DST: variants seen among roughly 807,000 people sequenced by gnomAD.
The protein encoded by DST is dystonin.
DST carries 253 observed loss-of-function variants against 875.2 expected under a neutral mutation model. The observed-to-expected ratio is 0.29, with a 90% CI of 0.26 to 0.32. The LOEUF (loss-of-function observed/expected upper bound fraction) is 0.32, where lower values mean the gene tolerates loss of function less well. DST is among the 10% of genes least tolerant of loss of function. The probability of loss-of-function intolerance (pLI) is 1.00; values close to 1 mark genes in which losing one functional copy is unlikely to be tolerated. For missense variants in DST, 8,287 were observed against 9,111.6 expected, an observed-to-expected ratio of 0.91 and a Z score of 3.68; for synonymous variants, 3,124 against 3,197.1, an observed-to-expected ratio of 0.98 and a Z score of 0.77.
intron 88 of DST, chr6:56,483,556 T>TTC (rs2095470364): frequency 7.6e-6 from 1 of 131,504 alleles, no homozygotes; most frequent in East Asian, 2.0e-4. Flanking sequence ...TTTTTTTTTT[T>TTC]TCCTGCCTAA....
chr6:56,594,179 C>A lies in DST; in HGVS notation c.12210G>T (p.Lys4070Asn), dbSNP rs778224745. ...TCACTGCTTGGTGCTGAGAGATGAT[C>A]TTCTCGTGTTGGGCCTATGTGAAAA... ...QYQKVKAQHEKIISQHQAVII... is the reference protein window; with the variant it reads ...QYQKVKAQHENIISQHQAVII... The change falls in exon 48 of 104, where the codon AAG becomes AAT. Residue 4070 changes from lysine to asparagine, a missense_variant. Lys to Asn is a moderately conservative substitution (Grantham distance 94). Around this residue, in one of 10 missense-constraint regions of DST, gnomAD observed 1,513 missense variants for 1,677.8 expected, o/e 0.90. Coordinates refer to ENST00000680361, the MANE Select transcript of DST (RefSeq NM_001374736.1). 117 of 1,529,084 alleles carry A rather than the reference C, an allele frequency of 7.7e-5. No homozygotes were observed. Among genetic ancestry groups the A allele is most frequent in the Non-Finnish European group, 1.0e-4 (115 of 1,144,212 alleles). The allele number at this position is 1,529,084 out of a possible 1,614,324, so 94.7% of individuals were successfully genotyped here.
intron 67 of DST, among the ~76,000 whole-genome samples, chr6:56,528,098 C>T (rs2096833136): frequency 6.6e-6 from 1 of 152,178 alleles, no homozygotes; most frequent in Non-Finnish European, 1.5e-5. Context: ...TTACTTTGGG[C>T]AAGATACTTA....
intron 5 of DST, among the ~76,000 whole-genome samples, chr6:56,733,414 C>A (rs1019923641): frequency 6.6e-6 from 1 of 152,156 alleles, no homozygotes; most frequent in African/African-American, 2.4e-5. Context: ...TTGTCTGACA[C>A]CTTCCAAGTC....
At chr6:56,893,562 C>CTTTTTTTTTTTTTTTTTTT (rs1282483681) in intron 3 of DST, among the ~76,000 whole-genome samples, 17 of 35,898 alleles carry the variant, frequency 4.7e-4, no homozygotes, top group East Asian at 7.8e-4. Flanking sequence ...ACTTTTAGTT[C>CTTTTTTTTTTTTTTTTTTT]TTTTTTTTTT....
At position 56,549,301 on chromosome 6, in the gene DST, T is replaced by C. The variant is rs533324009; in HGVS notation, c.16608+2883A>G. Among the ~76,000 whole-genome samples the C allele has an allele frequency of 6.7e-4, 102 of 152,328 alleles. 1 individual carries two copies. The highest frequency in any genetic ancestry group is 2.3e-3 in the African/African-American group (96 of 41,580). ...GATAGATTAATGTCAAACTAGATTA[T>C]ATTTCAAAGTCAATAAGGAAGACAG... On this transcript the variant is annotated intron_variant, in intron 61 of 103. Coordinates refer to ENST00000680361, the MANE Select transcript of DST (RefSeq NM_001374736.1).
intron 10 of DST, among the ~76,000 whole-genome samples, chr6:56,656,613 T>G (rs1263964191): frequency 6.6e-6 from 1 of 152,176 alleles, no homozygotes; most frequent in Non-Finnish European, 1.5e-5. Flanking sequence ...GTTATATAAC[T>G]TGACCAAGAA....
At chr6:56,485,697 T>G (rs2095536660) in intron 87 of DST, among the ~76,000 whole-genome samples, 1 of 152,206 alleles carries the variant, frequency 6.6e-6, no homozygotes, top group Non-Finnish European at 1.5e-5. Flanking sequence ...ATTCCCACCT[T>G]TGGAAACCAT....
intron 48 of DST, among the ~76,000 whole-genome samples, chr6:56,593,094 T>C (rs1304821655): frequency 6.6e-6 from 1 of 152,146 alleles, no homozygotes; most frequent in African/African-American, 2.4e-5. Context: ...ACAACCGCCA[T>C]CTTGTGGTCA....
intron 61 of DST, chr6:56,542,923 C>G (rs556136769): frequency 6.6e-6 from 1 of 152,290 alleles, no homozygotes; most frequent in Non-Finnish European, 1.5e-5. Flanking sequence ...CGGGAGTCGG[C>G]GAGCGGTTTC....
At chr6:56,615,638 C>T (rs2098606570) in intron 36 of DST, 1 of 1,614,004 alleles carries the variant, frequency 6.2e-7, no homozygotes, top group Non-Finnish European at 8.5e-7. Context: ...TGTCAACTTT[C>T]TTTTTGTCTG....
intron 27 of DST, among the ~76,000 whole-genome samples, chr6:56,633,560 G>T (rs2098801167): frequency 2.0e-5 from 3 of 151,376 alleles, no homozygotes; most frequent in Admixed American, 2.0e-4. Context: ...CCAGGCTGGA[G>T]CGCGATCTCA....
At chr6:56,853,334 AC>A (rs1005388824) in intron 3 of DST, among the ~76,000 whole-genome samples, 1 of 152,214 alleles carries the variant, frequency 6.6e-6, no homozygotes, top group Non-Finnish European at 1.5e-5. Context: ...TAGGTCAGTC[AC>A]AGCATGCTAT....
rs2096427841 is a variant in DST, at chr6:56,509,698, C to T, written c.18956G>A (p.Arg6319Lys). Residue 6319 changes from arginine to lysine, a missense_variant, in exon 74 of 104, where the codon AGG becomes AAG. Physicochemically the swap from Arg to Lys is conservative, Grantham distance 26. Transcript: ENST00000680361. ...AGATCTAGCAATCATTTCCTCTCCC[C>T]TCTGTTTAAGAGTTTCATACAACGG... ...LQPLYETLKQ[R>K]GEEMIARSGG... The T allele has an allele frequency of 6.2e-7, 1 of 1,613,750 alleles. No homozygotes were observed. The highest frequency in any genetic ancestry group is 8.5e-7 in the Non-Finnish European group (1 of 1,179,758).
intron 34 of DST, among the ~76,000 whole-genome samples, chr6:56,625,851 CTGAAGACCTTCCCA>C (rs2098728749): frequency 6.6e-6 from 1 of 151,512 alleles, no homozygotes; most frequent in Non-Finnish European, 1.5e-5. Context: ...GTGATTGCCC[CTGAAGACCTTCCCA>C]TGGGATTTGG....
chr6:56,572,281 G>C lies in DST; in HGVS notation c.13555-15C>G, dbSNP rs2097790691. The C allele has an allele frequency of 6.5e-7, 1 of 1,528,502 alleles. No homozygotes were observed. Among genetic ancestry groups the C allele is most frequent in the African/African-American group, 1.4e-5 (1 of 73,018 alleles). The allele number at this position is 1,528,502 out of a possible 1,614,324, so 94.7% of individuals were successfully genotyped here. The stretch of plus-strand genomic sequence containing the variant: ...GAAGTTGATTCCTACAAAGCATTAA[G>C]ATATTCAGTCAATATAAATGTTGCT... On this transcript the variant is annotated splice_polypyrimidine_tract_variant and intron_variant, in intron 52 of 103. Coordinates refer to ENST00000680361, the MANE Select transcript of DST (RefSeq NM_001374736.1).
intron 4 of DST, among the ~76,000 whole-genome samples, chr6:56,815,343 G>C (rs552693311): frequency 6.8e-6 from 1 of 146,388 alleles, no homozygotes; most frequent in African/African-American, 2.5e-5. Context: ...GTCACACCAA[G>C]GTATACGTAT....
chr6:56,731,119 T>C (rs2099496148), intron 5 of DST, among the ~76,000 whole-genome samples: 1 of 152,076 alleles, frequency 6.6e-6, no homozygotes, highest in African/African-American at 2.4e-5. Flanking sequence ...AGGATGCCAG[T>C]GGGAAAGCGA....
Position 56,497,967 on chromosome 6 carries a change from T to C in DST, c.19983A>G (p.Gly6661=), listed in dbSNP as rs1291848552. The C allele has an allele frequency of 1.2e-6, 2 of 1,613,438 alleles. No homozygotes were observed. The highest frequency in any genetic ancestry group is 1.7e-6 in the Non-Finnish European group (2 of 1,179,616). Residue 6661 remains glycine, a synonymous_variant, in exon 81 of 104, where the codon GGA becomes GGG. Coordinates refer to ENST00000680361, the MANE Select transcript of DST (RefSeq NM_001374736.1). ...TGTTCTGAAGGTTGCTTGCTTCTTC[T>C]CCTGCACTTGATTCAATTAGATCAT... The part of the protein sequence containing the change: ...AGNDLIESSA[G]EEASNLQNKL...
chr6:56,499,039 A>C (rs936417445), intron 80 of DST, among the ~76,000 whole-genome samples: 78 of 152,196 alleles, frequency 5.1e-4, no homozygotes, highest in African/African-American at 1.8e-3. Flanking sequence ...TCTTTTACTG[A>C]ATGAGTATAG....
Sources: allele counts gnomAD v4.1 joint callset (sites outside exome capture counted in the v4.1 genomes callset), GRCh38; gene constraint gnomAD v4.1.1; regional missense constraint gnomAD v4.1.1; transcripts MANE v1.5; gene names NCBI Gene and HGNC (gene_info 2026-07-23, HGNC 2026-07-21).